Variants in HPS4 observed in about 807,000 individuals in gnomAD.
The protein encoded by HPS4 is HPS4 biogenesis of lysosomal organelles complex 3 subunit 2.
A neutral mutation model predicts 70.3 loss-of-function variants in HPS4; 44 were observed. That is an observed-to-expected ratio of 0.63 (90% CI 0.49 to 0.80). The LOEUF (loss-of-function observed/expected upper bound fraction) is 0.80. Ranked by LOEUF, HPS4 falls within the 30% of genes least tolerant of loss-of-function variation. The pLI is 0.00. For missense variants in HPS4, 873 were observed against 884.4 expected (o/e 0.99, Z 0.16); for synonymous variants, 377 against 355.9 (o/e 1.06, Z -0.67).
In HPS4 at chr22:26,452,664, A is replaced by G. The variant is rs2085401762; in HGVS notation, c.*569T>C. 2.4e-5 allele frequency: 6 copies of G among 250,492 alleles called. No individual in the cohort carries two copies. Among genetic ancestry groups the G allele is most frequent in the Non-Finnish European group, 4.8e-5 (6 of 125,862 alleles). 15.5% of individuals were successfully genotyped at this position (250,492 alleles called of 1,614,324 possible). On this transcript the variant is annotated 3_prime_UTR_variant, in exon 14 of 14. Transcript: ENST00000398145. Reference sequence around the variant, plus strand: ...TAGATTTGAGTAGAGTTCCAACAGAATTCAACCAAGTGGTCTCCGTGTGCT... The same window carrying G: ...TAGATTTGAGTAGAGTTCCAACAGAGTTCAACCAAGTGGTCTCCGTGTGCT...
chr22:26,448,484 C>T (rs1317822807), downstream of HPS4, among the ~76,000 whole-genome samples: 3 of 152,236 alleles, frequency 2.0e-5, no homozygotes, highest in African/African-American at 7.2e-5. Flanking sequence ...TTGAACAGCA[C>T]ACTCGGTAGA....
intron 11 of HPS4, among the ~76,000 whole-genome samples, chr22:26,462,673 A>C (rs1258603223): frequency 6.6e-6 from 1 of 152,188 alleles, no homozygotes; most frequent in African/African-American, 2.4e-5. Flanking sequence ...GGCCCTTCAA[A>C]ATGACACTTC....
rs41277335 is a variant in HPS4, at chr22:26,451,769, G to A, written c.*1464C>T. Reference sequence around the variant, plus strand: ...GTAAGACAACATTTATCCTAGCTTCGGATAGGATCCTCTTCCATCTAGGCA... The same window carrying A: ...GTAAGACAACATTTATCCTAGCTTCAGATAGGATCCTCTTCCATCTAGGCA... On this transcript the variant is annotated 3_prime_UTR_variant, in exon 14 of 14. Transcript: ENST00000398145. 2.3e-3 allele frequency: 345 copies of A among 152,360 alleles called. No homozygotes were observed. Among genetic ancestry groups the A allele is most frequent in the Non-Finnish European group, 4.1e-3 (282 of 68,166 alleles). 9.4% of individuals were successfully genotyped at this position (152,360 alleles called of 1,614,324 possible).
At chr22:26,470,964 G>T in intron 6 of HPS4, 151 bp from the exon 7 acceptor site, 1 of 1,498,628 alleles carries the variant, frequency 6.7e-7, no homozygotes, top group Non-Finnish European at 9.1e-7. Flanking sequence ...GCTGTGCCAT[G>T]GCTTGGGACT....
rs1223096328 is a variant in HPS4, at chr22:26,464,414, G to A, written c.1216C>T (p.Leu406Phe). The change falls in exon 11 of 14, where the codon CTC becomes TTC. Residue 406 changes from leucine to phenylalanine, a missense_variant. By Grantham distance (22) the Leu-to-Phe change is conservative. Coordinates refer to ENST00000398145, the MANE Select transcript of HPS4 (RefSeq NM_022081.6). Reference protein sequence around the residue: ...DGRAPYCKASLSASSSLEPTP... With the variant: ...DGRAPYCKASFSASSSLEPTP... Reference sequence around the variant, plus strand: ...GGTTCCAGGCTGCTGGAGGCGCTGAGAGATGCCTTGCAGTAAGGAGCCCTG... The same window carrying A: ...GGTTCCAGGCTGCTGGAGGCGCTGAAAGATGCCTTGCAGTAAGGAGCCCTG... 1.9e-6 allele frequency: 3 copies of A among 1,614,092 alleles called. No individual in the cohort carries two copies. The highest frequency in any genetic ancestry group is 2.5e-6 in the Non-Finnish European group (3 of 1,180,050).
chr22:26,479,636 G>T, intron 2 of HPS4: 1 of 1,290,258 alleles, frequency 7.8e-7, no homozygotes, highest in Non-Finnish European at 9.8e-7. Context: ...CACAATGACT[G>T]CTCTTATTTG....
At chr22:26,444,235 T>TTTC (rs2084887626) in exon 4 of HPS4, 1 of 152,116 alleles carries the variant, frequency 6.6e-6, no homozygotes, top group Non-Finnish European at 1.5e-5. Flanking sequence ...ATGTTTTTTT[T>TTTC]TTTTTCATTT....
intron 8 of HPS4, chr22:26,468,005 C>A (rs551805464): frequency 6.5e-6 from 1 of 154,180 alleles, no homozygotes; most frequent in Non-Finnish European, 1.4e-5. Context: ...CAGGTTCAAG[C>A]GATTCTCCTG....
intron 7 of HPS4, among the ~76,000 whole-genome samples, chr22:26,469,284 A>C (rs1025219283): frequency 2.8e-3 from 23 of 8,262 alleles, no homozygotes; most frequent in African/African-American, 4.2e-3. Flanking sequence ...CCATCTCTAC[A>C]AAAAAAAAAA....
At chr22:26,446,657 A>T (rs775995449), downstream of HPS4, among the ~76,000 whole-genome samples, 6 of 152,180 alleles carry the variant, frequency 3.9e-5, no homozygotes, top group Non-Finnish European at 8.8e-5. Context: ...CTGGACATTA[A>T]AGTCTGAGCT....
exon 4 of HPS4, chr22:26,444,678 GC>G (rs2084895589): frequency 6.6e-6 from 1 of 152,244 alleles, no homozygotes; most frequent in Non-Finnish European, 1.5e-5. Context: ...GAAAACAGCA[GC>G]TTCTAAGAGG....
At chr22:26,460,303 A>T (rs2053006724) in intron 11 of HPS4, among the ~76,000 whole-genome samples, 1 of 152,258 alleles carries the variant, frequency 6.6e-6, no homozygotes, top group South Asian at 2.1e-4. Flanking sequence ...CAATCATAAT[A>T]TCTCATGTTC....
At chr22:26,463,403 G>A (rs2087722861) in intron 11 of HPS4, among the ~76,000 whole-genome samples, 1 of 152,176 alleles carries the variant, frequency 6.6e-6, no homozygotes, top group Non-Finnish European at 1.5e-5. Flanking sequence ...ACAGAACCTA[G>A]AGCTGTCCAG....
intron 2 of HPS4, 67 bp from the exon 3 acceptor site, chr22:26,479,422 T>C (rs765671383): frequency 1.1e-5 from 18 of 1,585,840 alleles, no homozygotes; most frequent in Admixed American, 3.6e-5. Flanking sequence ...AAAACACAGC[T>C]TCCTGTTTCC....
rs1260888616 is a variant in HPS4, at chr22:26,466,281, A to G, written c.670-19T>C. 2.1e-5 allele frequency: 34 copies of G among 1,613,930 alleles called. No individual in the cohort carries two copies. Among genetic ancestry groups the G allele is most frequent in the East Asian group, 4.5e-5 (2 of 44,902 alleles). On this transcript the variant is annotated intron_variant, in intron 8 of 13. Transcript: ENST00000398145. ...GGAGTCTCTGAAAACAAACACACAC[A>G]GAAGTTGGCGCTGGGCACCACATTC...
chr22:26,483,458 G>A (rs2091513666), intron 1 of HPS4, among the ~76,000 whole-genome samples: 1 of 152,232 alleles, frequency 6.6e-6, no homozygotes, highest in Non-Finnish European at 1.5e-5. Flanking sequence ...GAAAACGGAC[G>A]CTAATGGCTG....
chr22:26,460,763 A>C (rs1352496700), intron 11 of HPS4, among the ~76,000 whole-genome samples: 2 of 152,240 alleles, frequency 1.3e-5, no homozygotes, highest in Non-Finnish European at 2.9e-5. Flanking sequence ...CCTGTTGCCT[A>C]TCTTTGTACA....
chr22:26,453,294 G>T lies in HPS4; in HGVS notation c.2066C>A (p.Ala689Asp). 1 of 1,614,224 alleles carries T rather than the reference G, an allele frequency of 6.2e-7. No individual in the cohort carries two copies. Among genetic ancestry groups the T allele is most frequent in the Non-Finnish European group, 8.5e-7 (1 of 1,180,050 alleles). ...CTTTGCTTTGCCGGAGAGGCTGAAGGCGCCATCCTGAGGGTTTGGGAAGCC... is the reference window on the plus strand; with the variant it reads ...CTTTGCTTTGCCGGAGAGGCTGAAGTCGCCATCCTGAGGGTTTGGGAAGCC... ...SSGFPNPQDG[A>D]FSLSGKAKQK... The change falls in exon 14 of 14, where the codon GCC becomes GAC. Residue 689 changes from alanine to aspartate, a missense_variant. Physicochemically the swap from Ala to Asp is moderately radical, Grantham distance 126. Transcript: ENST00000398145.
intron 7 of HPS4, 91 bp from the exon 8 acceptor site, chr22:26,468,714 G>A (rs1367072793): frequency 1.2e-5 from 15 of 1,208,614 alleles, no homozygotes; most frequent in East Asian, 2.4e-5. Context: ...CCGTGTTGAC[G>A]AGGATCTTGG....
Sources: gnomAD v4.1 joint callset for allele counts (sites outside exome capture counted in the v4.1 genomes callset) on GRCh38, gnomAD v4.1.1 for gene constraint, MANE v1.5 for transcripts, NCBI Gene and HGNC (gene_info 2026-07-23, HGNC 2026-07-21) for gene names.